The following CENPM variants were observed in gnomAD, a reference collection of about 807,000 sequenced individuals.
CENPM encodes centromere protein M.
Under a neutral mutation model 19.6 loss-of-function variants are expected in CENPM, and 14 were observed. That is an observed-to-expected ratio of 0.71 (90% confidence interval 0.47 to 1.11). CENPM has a LOEUF of 1.11. Ranked by LOEUF, CENPM falls within the 50% of genes most tolerant of loss-of-function variation. The pLI is 0.00. For missense variants in CENPM, 239 were observed against 228.4 expected, an observed-to-expected ratio of 1.05 and a Z score of -0.30; for synonymous variants, 114 against 101.5, an observed-to-expected ratio of 1.12 and a Z score of -0.74.
chr22:41,943,721 G>T lies in CENPM; in HGVS notation c.311-20C>A. 6.2e-7 allele frequency: 1 copy of T among 1,604,926 alleles called. No homozygotes were observed. The highest frequency in any genetic ancestry group is 8.5e-7 in the Non-Finnish European group (1 of 1,173,316). ...GCCCAGCTGGAAAGAAGCCATGAGT[G>T]CTATAGCTGCAATCTCTACCTTCCT... On this transcript the variant is annotated intron_variant, in intron 4 of 5. Transcript: ENST00000215980.
chr22:41,939,890 G>GAA (rs1569425954), intron 5 of CENPM, among the ~76,000 whole-genome samples: 4 of 32,130 alleles, frequency 1.2e-4, no homozygotes, highest in East Asian at 1.7e-3. Flanking sequence ...AAGAAAGAAA[G>GAA]AAAGAAAGAA....
At chr22:41,940,510 T>C (rs1479319286) in intron 5 of CENPM, among the ~76,000 whole-genome samples, 1 of 152,112 alleles carries the variant, frequency 6.6e-6, no homozygotes, top group Admixed American at 6.5e-5. Context: ...TTCAGCCCCC[T>C]GAGTAGCTGG....
rs1042075170 is a variant in CENPM, at chr22:41,938,869, G to A, written c.*187C>T. Reference sequence around the variant, plus strand: ...GGGAGTGGGAGGGGGCTACAGTCTCGCCAGCTGGGCCCCCTCGCTGCTTCT... The same window carrying A: ...GGGAGTGGGAGGGGGCTACAGTCTCACCAGCTGGGCCCCCTCGCTGCTTCT... On this transcript the variant is annotated 3_prime_UTR_variant, in exon 6 of 6. Transcript: ENST00000215980. 3.6e-5 allele frequency: 23 copies of A among 641,006 alleles called. No homozygotes were observed. Among genetic ancestry groups the A allele is most frequent in the African/African-American group, 1.1e-4 (6 of 54,522 alleles). 39.7% of individuals were successfully genotyped at this position (641,006 alleles called of 1,614,324 possible). A position where few individuals can be genotyped will look rare whatever the true frequency, so the allele number is the denominator to read the frequency against.
the CENPM span, among the ~76,000 whole-genome samples, chr22:41,933,630 C>A: frequency 5.6e-4 from 86 of 152,286 alleles, no homozygotes; most frequent in African/African-American, 2.0e-3. Context: ...GTGGGACCCG[C>A]AGACTTAGGG....
At chr22:41,941,567 T>C (rs2077739191) in intron 5 of CENPM, among the ~76,000 whole-genome samples, 1 of 152,228 alleles carries the variant, frequency 6.6e-6, no homozygotes, top group African/African-American at 2.4e-5. Context: ...CCTTTAGAGA[T>C]GCTTCGTGGC....
the CENPM span, among the ~76,000 whole-genome samples, chr22:41,930,838 C>CT: frequency 4.5e-3 from 554 of 122,496 alleles, 3 homozygotes; most frequent in South Asian, 0.014. Flanking sequence ...TTATTCAAGT[C>CT]TTTTTTTTTT....
intron 1 of CENPM, 57 bp downstream of exon 1, chr22:41,946,963 C>G: frequency 1.3e-6 from 2 of 1,576,480 alleles, no homozygotes; most frequent in Non-Finnish European, 1.7e-6. Context: ...GACCTAGTGG[C>G]TGAAGCACCG....
At chr22:41,930,096 A>G in the CENPM span, among the ~76,000 whole-genome samples, 1 of 151,306 alleles carries the variant, frequency 6.6e-6, no homozygotes, top group Non-Finnish European at 1.5e-5. Context: ...GGCGCCCGCC[A>G]CCATGCCCGG....
At chr22:41,941,775 A>T (rs190799643) in intron 5 of CENPM, among the ~76,000 whole-genome samples, 114 of 152,342 alleles carry the variant, frequency 7.5e-4, no homozygotes, top group Non-Finnish European at 1.5e-3. Flanking sequence ...TGATCTGGTC[A>T]GGGGCTCAAA....
chr22:41,928,170 T>C, the CENPM span: 1 of 427,092 alleles, frequency 2.3e-6, no homozygotes, highest in South Asian at 1.8e-5. This position sits in a 1 kb window ranked among gnomAD's most constrained non-coding sequence, Gnocchi z 4.0. Context: ...CAGGAAGATC[T>C]GCCTATGAGT....
chr22:41,947,116 C>G lies in CENPM; in HGVS notation c.-40G>C, dbSNP rs2077816005. The G allele has an allele frequency of 6.2e-7, 1 of 1,605,448 alleles. No individual in the cohort carries two copies. Among genetic ancestry groups the G allele is most frequent in the African/African-American group, 1.3e-5 (1 of 74,768 alleles). On this transcript the variant is annotated 5_prime_UTR_variant, in exon 1 of 6. Transcript: ENST00000215980. ...CAACCGTTGCTCCTGCGGTGCGCGCCGATCTTTCAAACCGCCCTGAGTCCA... is the reference window on the plus strand; with the variant it reads ...CAACCGTTGCTCCTGCGGTGCGCGCGGATCTTTCAAACCGCCCTGAGTCCA...
At chr22:41,944,879 G>T in intron 4 of CENPM, 1 of 1,105,248 alleles carries the variant, frequency 9.0e-7, no homozygotes, top group Non-Finnish European at 1.1e-6. Flanking sequence ...TCTTAGAAAG[G>T]CTGACAACAG....
At chr22:41,946,309 G>A (rs2077801203) in intron 2 of CENPM, 108 bp downstream of exon 2, 4 of 938,230 alleles carry the variant, frequency 4.3e-6, no homozygotes, top group South Asian at 1.5e-5. Context: ...GCTGGGAGAA[G>A]GACCAGCCTC....
intron 4 of CENPM, 97 bp from the exon 5 acceptor site, chr22:41,943,798 G>A: frequency 9.3e-7 from 1 of 1,077,612 alleles, no homozygotes; most frequent in Non-Finnish European, 1.3e-6. Context: ...CCACTCTGGG[G>A]CTCAGTTTCT....
intron 5 of CENPM, among the ~76,000 whole-genome samples, chr22:41,939,850 AAGAAAG>A (rs1200951870): frequency 4.5e-4 from 14 of 31,396 alleles, no homozygotes; most frequent in African/African-American, 5.6e-4. Flanking sequence ...AAAAGAAAGA[AAGAAAG>A]AAAGAAAGAA....
At chr22:41,936,070 G>A (rs2077682405), downstream of CENPM, among the ~76,000 whole-genome samples, 1 of 152,086 alleles carries the variant, frequency 6.6e-6, no homozygotes, top group South Asian at 2.1e-4. Flanking sequence ...GGGTTTCACC[G>A]TGTTACTCAG....
chr22:41,929,094 C>T, the CENPM span, among the ~76,000 whole-genome samples: 1 of 103,592 alleles, frequency 9.7e-6, no homozygotes, highest in Non-Finnish European at 2.0e-5. Context: ...TGTGGGTGAG[C>T]GTGGGTGTAT....
intron 3 of CENPM, 110 bp from the exon 4 acceptor site, chr22:41,945,414 G>C (rs1447933616): frequency 2.1e-5 from 32 of 1,526,296 alleles, no homozygotes; most frequent in African/African-American, 2.8e-5. Flanking sequence ...ATGACAAGAG[G>C]GTGACTTTCT....
At chr22:41,942,346 C>T (rs549511645) in intron 5 of CENPM, among the ~76,000 whole-genome samples, 3 of 152,304 alleles carry the variant, frequency 2.0e-5, no homozygotes, top group South Asian at 2.1e-4. Context: ...CTCCGTGGCT[C>T]GCTCCTGTAA....
Sources: allele counts gnomAD v4.1 joint callset (sites outside exome capture counted in the v4.1 genomes callset), GRCh38; gene constraint gnomAD v4.1.1; non-coding constraint Gnocchi (gnomAD v3.1); transcripts MANE v1.5; gene names NCBI Gene and HGNC (gene_info 2026-07-23, HGNC 2026-07-21).